Variants in TSPEAR observed in about 807,000 individuals in gnomAD.
The protein encoded by TSPEAR is thrombospondin-type laminin G domain and EAR repeat-containing protein.
TSPEAR carries 69 observed loss-of-function variants against 71.6 expected under a neutral mutation model. The ratio of observed to expected loss-of-function variants is 0.96; its 90% confidence interval spans 0.79 to 1.18. The LOEUF (loss-of-function observed/expected upper bound fraction) is 1.18. Among genes scored for constraint, TSPEAR ranks in the 50% most tolerant of loss-of-function variants. TSPEAR has a pLI of 0.00. For missense variants in TSPEAR, 971 were observed against 894.9 expected, an observed-to-expected ratio of 1.09 and a Z score of -1.09; for synonymous variants, 402 against 387.2, an observed-to-expected ratio of 1.04 and a Z score of -0.45.
chr21:44,646,735 T>TC (rs1480563979), intron 1 of TSPEAR: 1 of 1,613,766 alleles, frequency 6.2e-7, no homozygotes, highest in Non-Finnish European at 8.5e-7. Context: ...CTGCACCTCC[T>TC]CCCCCTGCCA....
At position 44,695,964 on chromosome 21, in the gene TSPEAR, A is replaced by T. The variant is rs1987314445; in HGVS notation, c.82+15469T>A. Reference sequence around the variant, plus strand: ...TTAATCTCAGGATCCTCCAGGCTAGATGAGCCCTGGGGCTCTAGAGTCCTC... The same window carrying T: ...TTAATCTCAGGATCCTCCAGGCTAGTTGAGCCCTGGGGCTCTAGAGTCCTC... On this transcript the variant is annotated intron_variant, in intron 1 of 11. Transcript: ENST00000323084. This position sits in a 1 kb window ranked among gnomAD's most constrained non-coding sequence, Gnocchi z 4.5. 6.6e-6 allele frequency among the ~76,000 whole-genome samples: 1 copy of T among 152,182 alleles called. No homozygotes were observed. The highest frequency in any genetic ancestry group is 1.5e-5 in the Non-Finnish European group (1 of 68,028).
At chr21:44,652,089 T>C (rs1165591119) in intron 1 of TSPEAR, among the ~76,000 whole-genome samples, 2 of 147,766 alleles carry the variant, frequency 1.4e-5, no homozygotes, top group East Asian at 4.4e-4. Flanking sequence ...GTTCACACAA[T>C]TCTCCTGCCT....
intron 2 of TSPEAR, among the ~76,000 whole-genome samples, chr21:44,565,636 T>C (rs2053693123): frequency 6.6e-6 from 1 of 152,164 alleles, no homozygotes; most frequent in South Asian, 2.1e-4. Context: ...TAACAATAGA[T>C]GCAGAAAAAG....
At chr21:44,595,228 T>G (rs754853622) in intron 1 of TSPEAR, among the ~76,000 whole-genome samples, 21 of 152,196 alleles carry the variant, frequency 1.4e-4, no homozygotes, top group Non-Finnish European at 2.8e-4. Flanking sequence ...TCTCCATCTC[T>G]CTCTGTCTCT....
At chr21:44,500,061 C>G in intron 11 of TSPEAR, 125 bp from the exon 12 acceptor site, 1 of 997,194 alleles carries the variant, frequency 1.0e-6, no homozygotes, top group East Asian at 3.1e-5. Flanking sequence ...CTTCCATCCC[C>G]CCGACTGGCA....
At chr21:44,521,799 A>T in intron 9 of TSPEAR, 84 bp downstream of exon 9, 1 of 1,330,968 alleles carries the variant, frequency 7.5e-7, no homozygotes, top group Non-Finnish European at 1.1e-6. Context: ...GTGGACCCCC[A>T]GCCCACATCA....
rs782301532 is a variant in TSPEAR at position 44,522,006 on chromosome 21, G to A, written c.1443C>T (p.Phe481=). 2 of 1,614,196 alleles carry A rather than the reference G, an allele frequency of 1.2e-6. No homozygotes were observed. Among genetic ancestry groups the A allele is most frequent in the South Asian group, 1.1e-5 (1 of 91,088 alleles). The change falls in exon 9 of 12, where the codon TTC becomes TTT. Residue 481 remains phenylalanine (F), a synonymous_variant. Transcript: ENST00000323084. ...GGAACGAGTAGGGCCCCACACTGAA[G>A]AACTCCCAGTCGTAGGCGCCGGAGG... ...IATSGAYDWE[F]FSVGPYSFLV...
chr21:44,595,673 A>G (rs1474451451), intron 1 of TSPEAR, among the ~76,000 whole-genome samples: 1 of 152,226 alleles, frequency 6.6e-6, no homozygotes, highest in African/African-American at 2.4e-5. Flanking sequence ...TGAGGAGAAC[A>G]TAACAAGGAC....
At chr21:44,610,067 G>T (rs1981557565) in intron 1 of TSPEAR, among the ~76,000 whole-genome samples, 1 of 152,176 alleles carries the variant, frequency 6.6e-6, no homozygotes, top group Non-Finnish European at 1.5e-5. Flanking sequence ...GCCAGAGAGA[G>T]GGGGGTGTTA....
chr21:44,505,885 A>G (rs1054236898), intron 10 of TSPEAR, among the ~76,000 whole-genome samples: 4 of 152,026 alleles, frequency 2.6e-5, no homozygotes, highest in Non-Finnish European at 4.4e-5. Flanking sequence ...ACAAAAGTCC[A>G]CTTTTAAGAG....
rs73377681 is a variant in TSPEAR at position 44,517,052 on chromosome 21, C to T, written c.1566+4831G>A. ...CTGGCCCCTGTGTCTCTGCCTTCCT[C>T]GACTCCTGCAGTCTGTGCTTCTGTC... is the stretch of plus-strand genomic sequence containing the variant. On this transcript the variant is annotated intron_variant, in intron 9 of 11. Coordinates refer to ENST00000323084, the MANE Select transcript of TSPEAR (RefSeq NM_144991.3). Among the ~76,000 whole-genome samples the T allele has an allele frequency of 3.4e-3, 515 of 152,276 alleles. 4 individuals carry two copies. Among genetic ancestry groups the T allele is most frequent in the African/African-American group, 0.012 (490 of 41,564 alleles).
intron 1 of TSPEAR, chr21:44,702,388 A>G (rs1555951672): frequency 1.2e-6 from 2 of 1,604,072 alleles, no homozygotes; most frequent in African/African-American, 2.8e-5. Context: ...CTGTGAGCCC[A>G]GCTCCTGCAC....
chr21:44,525,903 G>A (rs992340724), intron 7 of TSPEAR, 64 bp from the exon 8 acceptor site: 53 of 1,513,474 alleles, frequency 3.5e-5, no homozygotes, highest in Non-Finnish European at 4.6e-5. Context: ...CCTGGTTTCT[G>A]AAGGCTTCTG....
chr21:44,661,231 G>C (rs1985474852), intron 1 of TSPEAR, among the ~76,000 whole-genome samples: 1 of 132,886 alleles, frequency 7.5e-6, no homozygotes, highest in Non-Finnish European at 1.5e-5. Context: ...AGTGAGCCGA[G>C]ATCGCGCCAC....
chr21:44,636,463 C>A (rs1569232293), intron 1 of TSPEAR, among the ~76,000 whole-genome samples: 2 of 152,178 alleles, frequency 1.3e-5, no homozygotes, highest in East Asian at 3.9e-4. Context: ...CTGGGACAGT[C>A]ACTCTGATCC....
intron 1 of TSPEAR, among the ~76,000 whole-genome samples, chr21:44,614,771 GA>G (rs1555932042): frequency 6.6e-6 from 1 of 152,230 alleles, no homozygotes; most frequent in Non-Finnish European, 1.5e-5. Flanking sequence ...GACGACAGCA[GA>G]AAACCAGTGA....
intron 9 of TSPEAR, chr21:44,517,730 T>G (rs116523973): frequency 0.012 from 5,485 of 470,764 alleles, 255 homozygotes; most frequent in African/African-American, 0.095. Context: ...CTGCGGGGGC[T>G]CTGTGGACAT....
intron 1 of TSPEAR, among the ~76,000 whole-genome samples, chr21:44,691,266 AC>A: frequency 6.6e-6 from 1 of 152,344 alleles, no homozygotes; most frequent in South Asian, 2.1e-4. Flanking sequence ...AGGCCAGGGA[AC>A]AGAGCTGATA....
intron 9 of TSPEAR, among the ~76,000 whole-genome samples, chr21:44,511,257 C>G (rs1367960677): frequency 6.6e-6 from 1 of 152,194 alleles, no homozygotes; most frequent in Non-Finnish European, 1.5e-5. Context: ...TACCTGCACA[C>G]CTGCATGTAT....
Sources: allele counts gnomAD v4.1 joint callset (sites outside exome capture counted in the v4.1 genomes callset), GRCh38; gene constraint gnomAD v4.1.1; non-coding constraint Gnocchi (gnomAD v3.1); transcripts MANE v1.5; gene names NCBI Gene and HGNC (gene_info 2026-07-23, HGNC 2026-07-21).